Variants in SPATA13 observed in about 807,000 individuals in gnomAD.
The protein encoded by SPATA13 is spermatogenesis-associated protein 13.
In SPATA13, 50 loss-of-function variants were observed where a neutral mutation model predicts 104.0. The ratio of observed to expected loss-of-function variants is 0.48; its 90% CI spans 0.38 to 0.61. The LOEUF is 0.61. SPATA13 is among the 20% of genes least tolerant of loss of function. The pLI is 0.00. For missense variants in SPATA13, 1,524 were observed against 1,690.6 expected, an observed-to-expected ratio of 0.90 and a Z score of 1.73; for synonymous variants, 606 against 667.5, an observed-to-expected ratio of 0.91 and a Z score of 1.42.
intron 1 of SPATA13, among the ~76,000 whole-genome samples, chr13:24,200,037 C>A (rs1161909237): frequency 6.6e-6 from 1 of 152,150 alleles, no homozygotes; most frequent in Non-Finnish European, 1.5e-5. Context: ...CCTGGAAGGT[C>A]CCTTCCCATG....
chr13:24,185,588 G>A (rs1869093261), intron 1 of SPATA13, among the ~76,000 whole-genome samples: 1 of 151,992 alleles, frequency 6.6e-6, no homozygotes, highest in South Asian at 2.1e-4. Flanking sequence ...TCCTTTATAT[G>A]GTCTCATTTC....
chr13:24,224,051 G>C lies in SPATA13; in HGVS notation c.1122G>C (p.Arg374Ser). 8 of 1,547,830 alleles carry C rather than the reference G, an allele frequency of 5.2e-6. No homozygotes were observed. The highest frequency in any genetic ancestry group is 6.1e-6 in the Non-Finnish European group (7 of 1,144,710). The change falls in exon 2 of 13, where the codon AGG becomes AGC. Residue 374 changes from arginine to serine, a missense_variant. Physicochemically the swap from Arg to Ser is moderately radical, Grantham distance 110 (BLOSUM62 -1). Around this residue, in one of 2 missense-constraint regions of SPATA13, gnomAD observed 1,089 missense variants for 1,135.9 expected, o/e 0.96. Coordinates refer to ENST00000382108, the MANE Select transcript of SPATA13 (RefSeq NM_001166271.3). ...CCAGGAGCACTGAGCAGGACAGCAG[G>C]CGGGGCGGGGCGGTCATGCATGGGA... ...RVSRSTEQDS[R>S]RGGAVMHGTT...
At chr13:24,052,083 A>G (rs1427866684) in intron 3 of SPATA13, among the ~76,000 whole-genome samples, 3 of 65,132 alleles carry the variant, frequency 4.6e-5, no homozygotes, top group African/African-American at 1.6e-4. Flanking sequence ...TTACACCAGC[A>G]TCCTGTGCTG....
At chr13:24,078,873 T>G (rs182022005) in intron 3 of SPATA13, among the ~76,000 whole-genome samples, 1 of 152,296 alleles carries the variant, frequency 6.6e-6, no homozygotes, top group African/African-American at 2.4e-5. Flanking sequence ...GTATCCTCAT[T>G]TACCATGCTG....
intron 3 of SPATA13, among the ~76,000 whole-genome samples, chr13:24,086,219 A>G (rs1027490883): frequency 2.0e-5 from 3 of 152,246 alleles, no homozygotes; most frequent in Admixed American, 6.5e-5. Flanking sequence ...AATTTCAGAT[A>G]AACAACAAAT....
chr13:24,175,874 A>G (rs1593383059), intron 1 of SPATA13, among the ~76,000 whole-genome samples: 1 of 152,392 alleles, frequency 6.6e-6, no homozygotes, highest in Non-Finnish European at 1.5e-5. Flanking sequence ...ACTAGAAAAC[A>G]TAAATAAATT....
chr13:24,016,610 G>A lies in SPATA13; in HGVS notation c.-146-1057G>A, dbSNP rs539263323. Among the ~76,000 whole-genome samples, 88 of 152,302 alleles carry A rather than the reference G, an allele frequency of 5.8e-4. No individual in the cohort carries two copies. The South Asian group carries it at 0.016, about 28-fold the overall frequency. ...TAAGCAGGCTCAGTGTCCAGGGCCC[G>A]GGCATGGCCTGCAGGGCTGTGGGGG... On this transcript the variant is annotated intron_variant, in intron 2 of 14. Coordinates refer to the SPATA13 transcript ENST00000424834.
intron 3 of SPATA13, among the ~76,000 whole-genome samples, chr13:24,072,835 T>TTTTTTTTTC (rs1200371820): frequency 3.3e-5 from 5 of 149,640 alleles, no homozygotes; most frequent in African/African-American, 1.2e-4. Flanking sequence ...CTTTTTTTTT[T>TTTTTTTTTC]TTTTTTTTAC....
intron 4 of SPATA13, among the ~76,000 whole-genome samples, chr13:24,269,367 T>G (rs1378399232): frequency 1.1e-4 from 1 of 9,036 alleles, no homozygotes; most frequent in African/African-American, 4.1e-4. Flanking sequence ...CATGTATGTA[T>G]GTATGTGTGT....
At chr13:24,134,435 G>A (rs1385109820) in intron 3 of SPATA13, among the ~76,000 whole-genome samples, 2 of 152,200 alleles carry the variant, frequency 1.3e-5, no homozygotes, top group Non-Finnish European at 2.9e-5. Context: ...GCAGATGGGT[G>A]GGGGTGCGCC....
At chr13:24,278,624 T>G (rs201231851) in intron 4 of SPATA13, 1 of 1,468,242 alleles carries the variant, frequency 6.8e-7, no homozygotes. Context: ...GGTGCTTTCA[T>G]GTATCATCAT....
intron 2 of SPATA13, among the ~76,000 whole-genome samples, chr13:23,996,478 A>G (rs1361297536): frequency 1.3e-5 from 2 of 152,196 alleles, no homozygotes; most frequent in Non-Finnish European, 2.9e-5. Context: ...GGGCTGTCAC[A>G]TGGTCAGATA....
At position 24,224,001 on chromosome 13, in the gene SPATA13, C is replaced by T. The variant is rs748926871; in HGVS notation, c.1072C>T (p.His358Tyr). ...GAGACTTCAGGCACACAGCCGGCTG[C>T]ATGACGACTACTCCCGCCGCGTCTC... ...SLRLQAHSRL[H>Y]DDYSRRVSRS... The change falls in exon 2 of 13, where the codon CAT becomes TAT. Residue 358 changes from histidine to tyrosine, a missense_variant. Transcript: ENST00000382108. 6.9e-5 allele frequency: 107 copies of T among 1,548,490 alleles called. No individual in the cohort carries two copies. The South Asian group carries it at 1.0e-3, about 14-fold the overall frequency.
intron 3 of SPATA13, among the ~76,000 whole-genome samples, chr13:24,023,966 T>G (rs1298895336): frequency 6.6e-6 from 1 of 152,198 alleles, no homozygotes; most frequent in Non-Finnish European, 1.5e-5. Flanking sequence ...AATATCATAG[T>G]CAGTTCACAG....
At chr13:24,105,610 G>T (rs1333667703) in intron 3 of SPATA13, among the ~76,000 whole-genome samples, 1 of 152,164 alleles carries the variant, frequency 6.6e-6, no homozygotes, top group East Asian at 1.9e-4. Context: ...TAGGCCTACG[G>T]AGGATGTGCT....
chr13:24,030,066 G>GCA lies in SPATA13; in HGVS notation c.-112+12388_-112+12389dup, dbSNP rs57708966. Among the ~76,000 whole-genome samples the GCA allele has an allele frequency of 1.8e-3, 258 of 145,424 alleles. 2 individuals carry two copies. The highest frequency in any genetic ancestry group is 6.0e-3 in the African/African-American group (227 of 38,032). ...TCTCCTAACACACACACACACACACGCACACACACACACACACACACACAT... is the reference window on the plus strand; with the variant it reads ...TCTCCTAACACACACACACACACACGCACACACACACACACACACACACACAT... On this transcript the variant is annotated intron_variant, in intron 3 of 14. Transcript: ENST00000424834.
chr13:24,257,467 C>G (rs1400671652), intron 4 of SPATA13, among the ~76,000 whole-genome samples: 2 of 152,130 alleles, frequency 1.3e-5, no homozygotes, highest in Non-Finnish European at 2.9e-5. Context: ...AGAGGAAAGT[C>G]AAGATGAGGT....
In SPATA13 at chr13:24,289,182, C is replaced by T. The variant is rs369980613; in HGVS notation, c.2847+4C>T. The T allele has an allele frequency of 1.0e-4, 162 of 1,605,206 alleles. 2 individuals carry two copies. The Middle Eastern group carries it at 2.8e-3, about 28-fold the overall frequency. On this transcript the variant is annotated splice_donor_region_variant and intron_variant, in intron 8 of 12. Coordinates refer to ENST00000382108, the MANE Select transcript of SPATA13 (RefSeq NM_001166271.3). ...AGGATCTTGCTTTCTTCAAAATGTG[C>T]GTCACCCTTTACTTCATTATTAATA...
intron 2 of SPATA13, among the ~76,000 whole-genome samples, chr13:24,001,485 T>TG (rs1875965136): frequency 6.7e-6 from 1 of 149,238 alleles, no homozygotes; most frequent in African/African-American, 2.5e-5. Context: ...CGTTAAGGAG[T>TG]GGCGGTGGAG....
Sources: gnomAD v4.1 joint callset for allele counts (sites outside exome capture counted in the v4.1 genomes callset) on GRCh38, gnomAD v4.1.1 for gene constraint, gnomAD v4.1.1 regional missense constraint, MANE v1.5 for transcripts, NCBI Gene and HGNC (gene_info 2026-07-23, HGNC 2026-07-21) for gene names.